Variants in PPP1R13B observed in about 807,000 individuals in gnomAD.
The protein encoded by PPP1R13B is protein phosphatase 1 regulatory subunit 13B, also known as apoptosis-stimulating of p53 protein 1.
In PPP1R13B, 44 loss-of-function variants were observed where a neutral mutation model predicts 119.8. The ratio of observed to expected loss-of-function variants is 0.37; its 90% CI spans 0.29 to 0.47. PPP1R13B has a LOEUF of 0.47. Among genes scored for constraint, PPP1R13B ranks in the 20% least tolerant of loss-of-function variants. The pLI, the probability that PPP1R13B is intolerant of heterozygous loss-of-function variation, is 0.99. For synonymous variants in PPP1R13B, 542 were observed against 561.5 expected, an observed-to-expected ratio of 0.97 and a Z score of 0.49; for missense variants, 1,227 against 1,413.5, an observed-to-expected ratio of 0.87 and a Z score of 2.12.
intron 1 of PPP1R13B, among the ~76,000 whole-genome samples, chr14:103,819,053 T>C (rs772464712): frequency 1.3e-5 from 2 of 152,074 alleles, no homozygotes; most frequent in African/African-American, 2.4e-5. Context: ...TAATGACAGC[T>C]TGAAGGAAGA....
At chr14:103,806,199 C>A (rs924257899) in intron 1 of PPP1R13B, among the ~76,000 whole-genome samples, 2 of 152,188 alleles carry the variant, frequency 1.3e-5, no homozygotes, top group Non-Finnish European at 2.9e-5. Context: ...CTTAGTCTAT[C>A]TCTGGGTCTT....
At chr14:103,840,615 C>G (rs2086881146) in intron 1 of PPP1R13B, among the ~76,000 whole-genome samples, 1 of 151,784 alleles carries the variant, frequency 6.6e-6, no homozygotes, top group Non-Finnish European at 1.5e-5. Context: ...ATGGTGAAAC[C>G]CTGTCTCTCC....
In PPP1R13B at chr14:103,742,938, T is replaced by A; in HGVS notation, c.1151-115A>T. On this transcript the variant is annotated intron_variant, in intron 9 of 16. Transcript: ENST00000202556. This position sits in a 1 kb window ranked among gnomAD's most constrained non-coding sequence, Gnocchi z 4.9. ...CTGGGACATCCCATTCTGATGCAGA[T>A]CCATTAACCGAGTGGTCAACCACCA... 1 of 1,227,886 alleles carries A rather than the reference T, an allele frequency of 8.1e-7. No homozygotes were observed. Among genetic ancestry groups the A allele is most frequent in the Non-Finnish European group, 1.1e-6 (1 of 872,002 alleles). The allele number at this position is 1,227,886 out of a possible 1,614,324, so 76.1% of individuals were successfully genotyped here. A position where few individuals can be genotyped will look rare whatever the true frequency, so the allele number is the denominator to read the frequency against.
chr14:103,754,046 C>T (rs748413656), intron 6 of PPP1R13B, 24 bp downstream of exon 6: 28 of 1,608,086 alleles, frequency 1.7e-5, no homozygotes, highest in Admixed American at 1.5e-4. Flanking sequence ...AGAGTGGTGT[C>T]GAGGGGGTGT....
At chr14:103,756,785 G>A (rs2084688057) in intron 5 of PPP1R13B, among the ~76,000 whole-genome samples, 2 of 151,896 alleles carry the variant, frequency 1.3e-5, no homozygotes, top group African/African-American at 4.8e-5. Context: ...TTGAGATGGA[G>A]TCTCGCTCTG....
intron 15 of PPP1R13B, 170 bp from the exon 16 acceptor site, chr14:103,736,372 A>C (rs1595701468): frequency 1.5e-6 from 1 of 653,716 alleles, no homozygotes. Context: ...CCCACCCGAT[A>C]CCTCCCCTGC....
At chr14:103,805,057 G>C (rs779335813) in intron 1 of PPP1R13B, among the ~76,000 whole-genome samples, 2 of 151,918 alleles carry the variant, frequency 1.3e-5, no homozygotes, top group African/African-American at 4.8e-5. Context: ...GGCTGGTCTC[G>C]AACTCCTGAG....
chr14:103,784,700 C>T (rs1285441500), intron 3 of PPP1R13B, 95 bp downstream of exon 3: 14 of 1,257,166 alleles, frequency 1.1e-5, no homozygotes, highest in East Asian at 2.9e-5. Flanking sequence ...AGTGCAGGGC[C>T]GGGTGTGTGT....
chr14:103,757,595 T>C (rs1244485632), intron 5 of PPP1R13B, 55 bp downstream of exon 5: 1 of 1,499,746 alleles, frequency 6.7e-7, no homozygotes, highest in East Asian at 2.3e-5. Context: ...TCTAAAATGA[T>C]GGTTAAAGAA....
chr14:103,799,536 C>T (rs2085846607), intron 1 of PPP1R13B, among the ~76,000 whole-genome samples: 1 of 151,656 alleles, frequency 6.6e-6, no homozygotes, highest in Non-Finnish European at 1.5e-5. Context: ...TGATCTGGAA[C>T]TCCTGACCTC....
intron 2 of PPP1R13B, among the ~76,000 whole-genome samples, chr14:103,795,903 A>C (rs1327699525): frequency 6.6e-6 from 1 of 152,200 alleles, no homozygotes; most frequent in Admixed American, 6.5e-5. Flanking sequence ...CCTTGCAAAA[A>C]AATTGTAATT....
intron 3 of PPP1R13B, among the ~76,000 whole-genome samples, chr14:103,783,762 G>A (rs1160931888): frequency 6.6e-6 from 1 of 151,974 alleles, no homozygotes; most frequent in East Asian, 1.9e-4. Context: ...TGCTTCCCAG[G>A]ATGGTCTCGA....
intron 3 of PPP1R13B, among the ~76,000 whole-genome samples, chr14:103,784,269 A>C (rs2085399821): frequency 1.3e-5 from 2 of 152,092 alleles, no homozygotes; most frequent in Admixed American, 1.3e-4. Context: ...AGAAGGAAAG[A>C]AGCGTTGGTG....
chr14:103,800,428 G>A (rs951000878), intron 1 of PPP1R13B, among the ~76,000 whole-genome samples: 6 of 152,106 alleles, frequency 3.9e-5, no homozygotes, highest in African/African-American at 9.7e-5. Flanking sequence ...CAAGGTGGGC[G>A]GACTACTTGA....
rs1442141742 is a variant in PPP1R13B at position 103,741,800 on chromosome 14, T to G, written c.1812A>C (p.Ser604=). ...QPAAHSALNK[S]VKAVYGKPVL... is the part of the protein sequence containing the mutation. ...ATAAACCCACTCTACCTGCTTTAACTGACTTATTTAAGGCGCTGTGTGCTG... is the reference window on the plus strand; with the variant it reads ...ATAAACCCACTCTACCTGCTTTAACGGACTTATTTAAGGCGCTGTGTGCTG... The change falls in exon 11 of 17, where the codon TCA becomes TCC. Residue 604 remains serine (S), a synonymous_variant. Transcript: ENST00000202556. The G allele has an allele frequency of 6.2e-7, 1 of 1,613,568 alleles. No individual in the cohort carries two copies. The highest frequency in any genetic ancestry group is 1.3e-5 in the African/African-American group (1 of 74,942).
At chr14:103,745,682 G>C (rs2084368524) in intron 9 of PPP1R13B, among the ~76,000 whole-genome samples, 1 of 152,224 alleles carries the variant, frequency 6.6e-6, no homozygotes, top group South Asian at 2.1e-4. Context: ...CTGTTTGTAG[G>C]GGCAGCCCCT....
At chr14:103,736,442 A>G in intron 15 of PPP1R13B, 1 of 582,834 alleles carries the variant, frequency 1.7e-6, no homozygotes, top group Non-Finnish European at 3.1e-6. Flanking sequence ...CAGACAGGAC[A>G]AACGAGCTCC....
At chr14:103,759,293 T>C (rs1457038483) in intron 4 of PPP1R13B, 1 of 151,736 alleles carries the variant, frequency 6.6e-6, no homozygotes, top group Non-Finnish European at 1.5e-5. Flanking sequence ...ACCATTCTGT[T>C]TATCTAAAAA....
chr14:103,820,398 A>G (rs372752639), intron 1 of PPP1R13B, among the ~76,000 whole-genome samples: 1 of 151,996 alleles, frequency 6.6e-6, no homozygotes, highest in East Asian at 1.9e-4. Flanking sequence ...TCTCAAAAAT[A>G]GTGTTGTTAT....
Sources: allele counts gnomAD v4.1 joint callset (sites outside exome capture counted in the v4.1 genomes callset), GRCh38; gene constraint gnomAD v4.1.1; non-coding constraint Gnocchi (gnomAD v3.1); transcripts MANE v1.5; gene names NCBI Gene and HGNC (gene_info 2026-07-23, HGNC 2026-07-21).